Variants in ATP2A3 observed in about 807,000 individuals in gnomAD.
ATP2A3 encodes the protein ATPase sarcoplasmic/endoplasmic reticulum Ca2+ transporting 3.
Under a neutral mutation model 106.8 loss-of-function variants are expected in ATP2A3, and 61 were observed. The observed-to-expected ratio is 0.57, with a 90% CI of 0.46 to 0.71. The LOEUF is 0.71. Among genes scored for constraint, ATP2A3 ranks in the 30% least tolerant of loss-of-function variants. The pLI is 0.00. For synonymous variants in ATP2A3, 611 were observed against 609.3 expected (o/e 1.00, Z -0.04); for missense variants, 1,201 against 1,423.5 (o/e 0.84, Z 2.52).
intron 1 of ATP2A3, among the ~76,000 whole-genome samples, chr17:3,960,338 C>T (rs948175370): frequency 3.9e-5 from 6 of 152,216 alleles, no homozygotes; most frequent in Admixed American, 2.6e-4. Context: ...GCCAAGACGC[C>T]GCTGGCAGGA....
Position 3,928,373 on chromosome 17 carries a change from T to C in ATP2A3, c.2980+290A>G. ...GGCTGAGGCCCAGAAGAGCACACAG[T>C]GCCCTGGCCATGTAGGGGGTGGCAG... On this transcript the variant is annotated intron_variant, in intron 20 of 20. Coordinates refer to ENST00000397041, the MANE Select transcript of ATP2A3 (RefSeq NM_005173.4). This position sits in a 1 kb window ranked among gnomAD's most constrained non-coding sequence, Gnocchi z 6.1. The C allele has an allele frequency of 6.4e-7, 1 of 1,563,204 alleles. No homozygotes were observed. The highest frequency in any genetic ancestry group is 1.1e-5 in the South Asian group (1 of 89,206).
At position 3,942,717 on chromosome 17, in the gene ATP2A3, C is replaced by G. The variant is rs766182510; in HGVS notation, c.1434G>C (p.Leu478=). 3.3e-5 allele frequency: 53 copies of G among 1,613,284 alleles called. No individual in the cohort carries two copies. Among genetic ancestry groups the G allele is most frequent in the Non-Finnish European group, 4.2e-5 (50 of 1,179,960 alleles). The change falls in exon 12 of 21, where the codon CTG becomes CTC. Residue 478 remains leucine (L), a synonymous_variant. Transcript: ENST00000397041. ...AGACNTVIKQ[L]MRKEFTLEFS... is the part of the protein sequence containing the mutation. ...ACTCCAGGGTGAACTCCTTCCGCAT[C>G]AGCTGCTTGATGACCTGCGGGGTCC...
At chr17:3,948,244 T>C (rs1330180604) in intron 7 of ATP2A3, among the ~76,000 whole-genome samples, 1 of 152,154 alleles carries the variant, frequency 6.6e-6, no homozygotes, top group Non-Finnish European at 1.5e-5. Context: ...CAATAAACAG[T>C]CCATTAATAT....
At position 3,941,647 on chromosome 17, in the gene ATP2A3, G is replaced by T; in HGVS notation, c.1553C>A (p.Pro518His). The T allele has an allele frequency of 6.2e-7, 1 of 1,607,084 alleles. No homozygotes were observed. The change falls in exon 13 of 21, where the codon CCT (proline) becomes CAT (histidine). Residue 518 changes from proline (P) to histidine (H), a missense_variant. Physicochemically the swap from Pro to His is moderately conservative, Grantham distance 77. Around this residue, in one of 2 missense-constraint regions of ATP2A3, gnomAD observed 935 missense variants for 1,176.7 expected, o/e 0.79. Coordinates refer to ENST00000397041, the MANE Select transcript of ATP2A3 (RefSeq NM_005173.4). ...QGSKMFVKGA[P>H]ESVIERCSSV... ...GCTACAGCGCTCGATCACACTCTCA[G>T]GAGCCCCCTGCGAGGTGGGGAGAGG...
chr17:3,944,425 G>C (rs1165379787), intron 10 of ATP2A3, among the ~76,000 whole-genome samples: 1 of 152,080 alleles, frequency 6.6e-6, no homozygotes, highest in South Asian at 2.1e-4. Context: ...CATTTTCTTG[G>C]TCCTGTTCCC....
Position 3,942,630 on chromosome 17 carries a change from G to A in ATP2A3, c.1521C>T (p.Gly507=), listed in dbSNP as rs771792720. The change falls in exon 12 of 21, where the codon GGC becomes GGT. Residue 507 remains glycine, a synonymous_variant. Transcript: ENST00000397041. ...YCTPTRPHPT[G]QGSKMFVKGA... ...CCTTCACAAACATCTTGCTGCCCTG[G>A]CCAGTAGGGTGAGGGCGGGTGGGCG... The A allele has an allele frequency of 3.7e-5, 59 of 1,612,346 alleles. 1 individual carries two copies. The Admixed American group carries it at 9.5e-4, about 26-fold the overall frequency.
chr17:3,942,735 C>T lies in ATP2A3; in HGVS notation c.1420-4G>A, dbSNP rs375470262. The T allele has an allele frequency of 5.9e-5, 95 of 1,612,408 alleles. No homozygotes were observed. In the African/African-American group the frequency reaches 1.1e-3, roughly 18 times the overall value. ...TCCGCATCAGCTGCTTGATGACCTG[C>T]GGGGTCCAGGCAGGTCAGGGCATGA... On this transcript the variant is annotated splice_polypyrimidine_tract_variant and splice_region_variant and intron_variant, in intron 11 of 20. Coordinates refer to ENST00000397041, the MANE Select transcript of ATP2A3 (RefSeq NM_005173.4).
intron 17 of ATP2A3, 40 bp downstream of exon 17, chr17:3,935,152 G>C (rs774419366): frequency 6.2e-7 from 1 of 1,604,420 alleles, no homozygotes; most frequent in Non-Finnish European, 8.5e-7. Flanking sequence ...AACAACTCGA[G>C]CTGTAAGTTC....
In ATP2A3 at chr17:3,925,258, G is replaced by A. The variant is rs1352498199; in HGVS notation, c.*164C>T. 2 of 1,159,792 alleles carry A rather than the reference G, an allele frequency of 1.7e-6. No homozygotes were observed. Among genetic ancestry groups the A allele is most frequent in the Non-Finnish European group, 1.2e-6 (1 of 803,874 alleles). The allele number at this position is 1,159,792 out of a possible 1,614,324, so 71.8% of individuals were successfully genotyped here. A position where few individuals can be genotyped will look rare whatever the true frequency, so the allele number is the denominator to read the frequency against. ...AAGGAAGTGGGGACAGAGACCCCAGGACGGGGCCCGGGGATGGCCATTCTG... is the reference window on the plus strand; with the variant it reads ...AAGGAAGTGGGGACAGAGACCCCAGAACGGGGCCCGGGGATGGCCATTCTG... On this transcript the variant is annotated 3_prime_UTR_variant, in exon 21 of 21. Coordinates refer to ENST00000397041, the MANE Select transcript of ATP2A3 (RefSeq NM_005173.4). The surrounding 1 kb of genome is among the most constrained non-coding windows in gnomAD (Gnocchi z 4.2).
intron 11 of ATP2A3, 45 bp downstream of exon 11, chr17:3,943,346 G>C (rs1261792981): frequency 6.2e-7 from 1 of 1,609,508 alleles, no homozygotes; most frequent in South Asian, 1.1e-5. Context: ...TGTCCCAGAA[G>C]CCCCAGCCAT....
chr17:3,961,809 G>C (rs1368849923), intron 1 of ATP2A3, among the ~76,000 whole-genome samples: 1 of 152,178 alleles, frequency 6.6e-6, no homozygotes, highest in Non-Finnish European at 1.5e-5. Context: ...ACAACCCTGG[G>C]AGATGGGTTC....
rs2054161171 is a variant in ATP2A3, at chr17:3,947,174, A to G, written c.1095+217T>C. The stretch of plus-strand genomic sequence containing the variant: ...CTGTCAGCAACCTGGCCAGGGCCCC[A>G]CAGTGACACACAGGCCTCAGTGACA... On this transcript the variant is annotated intron_variant, in intron 8 of 20. Coordinates refer to ENST00000397041, the MANE Select transcript of ATP2A3 (RefSeq NM_005173.4). The surrounding 1 kb of genome is among the most constrained non-coding windows in gnomAD (Gnocchi z 7.7). 6.6e-6 allele frequency among the ~76,000 whole-genome samples: 1 copy of G among 152,174 alleles called. No homozygotes were observed. The highest frequency in any genetic ancestry group is 1.5e-5 in the Non-Finnish European group (1 of 68,024).
intron 1 of ATP2A3, among the ~76,000 whole-genome samples, chr17:3,954,742 G>A (rs773913549): frequency 7.9e-5 from 12 of 151,996 alleles, no homozygotes; most frequent in South Asian, 2.1e-4. Flanking sequence ...TGATCTGCCC[G>A]CCTCGGCCTC....
At chr17:3,941,778 G>T in intron 12 of ATP2A3, 124 bp from the exon 13 acceptor site, 1 of 983,114 alleles carries the variant, frequency 1.0e-6, no homozygotes, top group Non-Finnish European at 1.5e-6. Flanking sequence ...ACACACGCAA[G>T]GCAGGGAGCA....
rs2053816427 is a variant in ATP2A3, at chr17:3,942,084, G to A, written c.1546-430C>T. ...GACCAGAAATAGAGCCATACACAGGGTATGGCGGGCATAGCCCTGGGAAGG... is the reference window on the plus strand; with the variant it reads ...GACCAGAAATAGAGCCATACACAGGATATGGCGGGCATAGCCCTGGGAAGG... On this transcript the variant is annotated intron_variant, in intron 12 of 20. Coordinates refer to ENST00000397041, the MANE Select transcript of ATP2A3 (RefSeq NM_005173.4). 2.6e-5 allele frequency among the ~76,000 whole-genome samples: 4 copies of A among 152,170 alleles called. No individual in the cohort carries two copies. The South Asian group carries it at 8.3e-4, about 31-fold the overall frequency.
intron 20 of ATP2A3, chr17:3,927,807 T>C (rs933439422): frequency 2.0e-6 from 2 of 985,312 alleles, no homozygotes; most frequent in Non-Finnish European, 2.4e-6. Context: ...GCGTGATCTA[T>C]TTATAGTCCC....
intron 1 of ATP2A3, among the ~76,000 whole-genome samples, chr17:3,963,899 G>T (rs2055283927): frequency 6.6e-6 from 1 of 152,096 alleles, no homozygotes; most frequent in Admixed American, 6.5e-5. Flanking sequence ...GGGTGGACGG[G>T]GCCGGAGTGG....
chr17:3,937,765 G>A, intron 14 of ATP2A3, 129 bp from the exon 15 acceptor site: 1 of 971,818 alleles, frequency 1.0e-6, no homozygotes, highest in Non-Finnish European at 1.6e-6. Context: ...CAGAACAAAT[G>A]GTGGGTTCAA....
rs548979977 is a variant in ATP2A3 at position 3,930,275 on chromosome 17, A to G, written c.2744+26T>C. On this transcript the variant is annotated intron_variant, in intron 18 of 20. Coordinates refer to ENST00000397041, the MANE Select transcript of ATP2A3 (RefSeq NM_005173.4). The surrounding 1 kb of genome is among the most constrained non-coding windows in gnomAD (Gnocchi z 5.4). Reference sequence around the variant, plus strand: ...CCCTCAGCCCCCACTCCTCGGCCCCAGCTCCAGGCCCTGCGCCCAGCCTAC... The same window carrying G: ...CCCTCAGCCCCCACTCCTCGGCCCCGGCTCCAGGCCCTGCGCCCAGCCTAC... 3 of 1,550,862 alleles carry G rather than the reference A, an allele frequency of 1.9e-6. No individual in the cohort carries two copies. In the South Asian group the frequency reaches 3.6e-5, roughly 19 times the overall value.
Sources: gnomAD v4.1 joint callset for allele counts (sites outside exome capture counted in the v4.1 genomes callset) on GRCh38, gnomAD v4.1.1 for gene constraint, gnomAD v4.1.1 regional missense constraint, Gnocchi (gnomAD v3.1) non-coding constraint, MANE v1.5 for transcripts, NCBI Gene and HGNC (gene_info 2026-07-23, HGNC 2026-07-21) for gene names.